TSPAN14: variants seen among roughly 807,000 people sequenced by gnomAD.
TSPAN14 encodes the protein tetraspanin 14.
Under a neutral mutation model 36.6 loss-of-function variants are expected in TSPAN14, and 16 were observed. That is an observed-to-expected ratio of 0.44 (90% CI 0.30 to 0.66). The LOEUF (loss-of-function observed/expected upper bound fraction) is 0.66. TSPAN14 is among the 30% of genes least tolerant of loss of function. The pLI, the probability that TSPAN14 is intolerant of heterozygous loss-of-function variation, is 0.12. For missense variants in TSPAN14, 231 were observed against 355.1 expected (o/e 0.65, Z 2.81); for synonymous variants, 139 against 143.8 (o/e 0.97, Z 0.24).
At chr10:80,459,466 G>T (rs17618331) in intron 1 of TSPAN14, 3,491 of 153,402 alleles carry the variant, frequency 0.023, 52 homozygotes, top group Middle Eastern at 0.04. Context: ...CTGAGAGCTG[G>T]GGCAGTTGTC....
chr10:80,513,920 A>G (rs1840790727), intron 6 of TSPAN14, 99 bp from the exon 7 acceptor site: 2 of 1,019,352 alleles, frequency 2.0e-6, no homozygotes, highest in Non-Finnish European at 3.0e-6. Flanking sequence ...TGGAATTTGC[A>G]CAAATGTTTG....
chr10:80,461,165 T>C (rs955208277), intron 1 of TSPAN14, among the ~76,000 whole-genome samples: 2 of 152,176 alleles, frequency 1.3e-5, no homozygotes, highest in African/African-American at 4.8e-5. Context: ...ACTCTGCCTC[T>C]CTTGAGGGCC....
intron 3 of TSPAN14, 176 bp from the exon 4 acceptor site, chr10:80,507,052 C>T: frequency 1.4e-6 from 1 of 722,696 alleles, no homozygotes; most frequent in South Asian, 1.9e-5. Flanking sequence ...CAGGGATCGC[C>T]TGGTCGGAGG....
intron 2 of TSPAN14, among the ~76,000 whole-genome samples, chr10:80,493,391 A>G (rs773036542): frequency 6.6e-5 from 10 of 152,362 alleles, no homozygotes; most frequent in East Asian, 3.9e-4. Context: ...TGATCCAACA[A>G]TTCCACTTCT....
At chr10:80,462,731 AG>A (rs1846045159) in intron 1 of TSPAN14, among the ~76,000 whole-genome samples, 1 of 152,168 alleles carries the variant, frequency 6.6e-6, no homozygotes, top group African/African-American at 2.4e-5. Context: ...TTTAGTGGTT[AG>A]GGAATGGGGT....
intron 1 of TSPAN14, among the ~76,000 whole-genome samples, chr10:80,476,234 T>A (rs1846875431): frequency 6.6e-6 from 1 of 151,640 alleles, no homozygotes. Flanking sequence ...TCAGTTGGGC[T>A]TGGTAACACA....
chr10:80,507,451 T>G, intron 4 of TSPAN14, 77 bp downstream of exon 4: 2 of 1,595,404 alleles, frequency 1.3e-6, no homozygotes, highest in Non-Finnish European at 1.7e-6. Flanking sequence ...ATATGTTACC[T>G]GGTCAGAGCA....
intron 2 of TSPAN14, among the ~76,000 whole-genome samples, chr10:80,494,686 C>T (rs1321148557): frequency 6.6e-6 from 1 of 152,170 alleles, no homozygotes; most frequent in Non-Finnish European, 1.5e-5. Flanking sequence ...TGATATCAGA[C>T]CCCAAGGCCT....
intron 2 of TSPAN14, among the ~76,000 whole-genome samples, chr10:80,500,055 G>T (rs781398825): frequency 1.3e-5 from 2 of 152,180 alleles, no homozygotes; most frequent in African/African-American, 2.4e-5. Context: ...GAAGGGTTCC[G>T]TGGGGTGAAG....
At chr10:80,455,334 C>G (rs955498185) in intron 1 of TSPAN14, among the ~76,000 whole-genome samples, 2 of 152,074 alleles carry the variant, frequency 1.3e-5, no homozygotes, top group Non-Finnish European at 2.9e-5. Context: ...GTGTCACACA[C>G]TCGTTGGCTG....
chr10:80,512,766 T>C (rs1412847157), intron 6 of TSPAN14, among the ~76,000 whole-genome samples: 1 of 152,170 alleles, frequency 6.6e-6, no homozygotes, highest in African/African-American at 2.4e-5. Context: ...TGATCTTGGC[T>C]CACTGGAACC....
chr10:80,490,984 G>A (rs1847890998), intron 2 of TSPAN14, among the ~76,000 whole-genome samples: 1 of 152,182 alleles, frequency 6.6e-6, no homozygotes, highest in African/African-American at 2.4e-5. Context: ...TGCTTCTACT[G>A]CAGATTTGGC....
chr10:80,505,891 C>G (rs1276832667), intron 3 of TSPAN14, among the ~76,000 whole-genome samples: 1 of 152,236 alleles, frequency 6.6e-6, no homozygotes, highest in African/African-American at 2.4e-5. Context: ...TTCAAGCACA[C>G]ATGTTGAGGA....
At chr10:80,486,899 C>T (rs1847632838) in intron 1 of TSPAN14, among the ~76,000 whole-genome samples, 1 of 151,920 alleles carries the variant, frequency 6.6e-6, no homozygotes, top group Non-Finnish European at 1.5e-5. Flanking sequence ...CAACCCTCCC[C>T]TGAAGGGAAA....
At chr10:80,504,807 C>T (rs1302150997) in intron 3 of TSPAN14, 29 bp downstream of exon 3, 4 of 1,613,752 alleles carry the variant, frequency 2.5e-6, no homozygotes, top group East Asian at 4.5e-5. Flanking sequence ...GGACACTGAG[C>T]TTCAGGCAGC....
chr10:80,518,229 G>A, exon 9 of TSPAN14: 5 of 539,012 alleles, frequency 9.3e-6, no homozygotes. Flanking sequence ...TCTTTATGTG[G>A]GAGTGGTGAC....
chr10:80,513,367 C>G (rs1840760961), intron 6 of TSPAN14, among the ~76,000 whole-genome samples: 1 of 152,128 alleles, frequency 6.6e-6, no homozygotes, highest in Admixed American at 6.5e-5. Flanking sequence ...AAGCCTGGTC[C>G]TGGGTTACAG....
At chr10:80,489,713 A>G (rs930322815) in intron 2 of TSPAN14, among the ~76,000 whole-genome samples, 1 of 152,216 alleles carries the variant, frequency 6.6e-6, no homozygotes, top group Non-Finnish European at 1.5e-5. Flanking sequence ...GACAAGGGCA[A>G]TAAAGTCTTA....
chr10:80,469,954 G>A (rs994789539), intron 1 of TSPAN14, among the ~76,000 whole-genome samples: 6 of 152,168 alleles, frequency 3.9e-5, no homozygotes, highest in Middle Eastern at 3.4e-3. Context: ...ATTGGTTTTA[G>A]CCCCAGCACT....
Sources: gnomAD v4.1 joint callset for allele counts (sites outside exome capture counted in the v4.1 genomes callset) on GRCh38, gnomAD v4.1.1 for gene constraint, MANE v1.5 for transcripts, NCBI Gene and HGNC (gene_info 2026-07-23, HGNC 2026-07-21) for gene names.